Variants in CEP78 observed in about 807,000 individuals in gnomAD.
The protein encoded by CEP78 is centrosomal protein of 78 kDa.
CEP78 carries 76 observed loss-of-function variants against 81.2 expected under a neutral mutation model. The observed-to-expected ratio is 0.94, with a 90% CI of 0.78 to 1.13. CEP78 has a LOEUF of 1.13. Among genes scored for constraint, CEP78 ranks in the 50% most tolerant of loss-of-function variants. CEP78 has a pLI of 0.00. For missense variants in CEP78, 918 were observed against 846.8 expected (o/e 1.08, Z -1.04); for synonymous variants, 293 against 301.4 (o/e 0.97, Z 0.29).
rs1037060395 is a variant in CEP78, at chr9:78,277,087, G to A, written c.*6236G>A. 6.6e-6 allele frequency: 1 copy of A among 151,834 alleles called. No individual in the cohort carries two copies. The highest frequency in any genetic ancestry group is 1.5e-5 in the Non-Finnish European group (1 of 67,928). The allele number at this position is 151,834 out of a possible 1,614,324, so 9.4% of individuals were successfully genotyped here. A position where few individuals can be genotyped will look rare whatever the true frequency, so the allele number is the denominator to read the frequency against. The stretch of plus-strand genomic sequence containing the variant: ...AATGGCATCACAAGTCAGTAGAGAA[G>A]GGTTTGAACTATTCAGTAAATGATG... On this transcript the variant is annotated 3_prime_UTR_variant, in exon 17 of 17. Coordinates refer to ENST00000643273, the MANE Select transcript of CEP78 (RefSeq NM_001330691.3).
chr9:78,244,631 A>T (rs1314290205), intron 5 of CEP78, among the ~76,000 whole-genome samples: 1 of 152,126 alleles, frequency 6.6e-6, no homozygotes, highest in African/African-American at 2.4e-5. Context: ...TTTGATGCAA[A>T]TGGGATTGGT....
Position 78,236,155 on chromosome 9 carries a change from G to C in CEP78, c.-196G>C. On this transcript the variant is annotated 5_prime_UTR_variant, in exon 1 of 17. Transcript: ENST00000643273. ...GCAGGGCGGGAGGCAGCGCGGGAGT[G>C]GGGCGTTGAGGGGCCGGCCTAGCTT... is the stretch of plus-strand genomic sequence containing the variant. 1 of 566,648 alleles carries C rather than the reference G, an allele frequency of 1.8e-6. No individual in the cohort carries two copies. The highest frequency in any genetic ancestry group is 3.1e-6 in the Non-Finnish European group (1 of 326,950). The allele number at this position is 566,648 out of a possible 1,614,324, so 35.1% of individuals were successfully genotyped here.
chr9:78,266,750 C>G (rs772875398), intron 16 of CEP78, 47 bp downstream of exon 16: 6 of 1,604,234 alleles, frequency 3.7e-6, no homozygotes, highest in Non-Finnish European at 5.1e-6. Context: ...CTGGAAAGGA[C>G]CTGCATTCCT....
intron 15 of CEP78, 144 bp downstream of exon 15, chr9:78,266,050 A>C: frequency 1.7e-6 from 1 of 600,840 alleles, no homozygotes; most frequent in Non-Finnish European, 3.1e-6. Flanking sequence ...CTCTGGCCTT[A>C]CTTGGAGCCC....
chr9:78,239,965 T>C, intron 1 of CEP78, 58 bp from the exon 2 acceptor site: 1 of 1,399,832 alleles, frequency 7.1e-7, no homozygotes, highest in Non-Finnish European at 9.7e-7. Flanking sequence ...AGAGCAGATG[T>C]TTTTGAATGA....
intron 16 of CEP78, among the ~76,000 whole-genome samples, chr9:78,270,206 T>G (rs1827660230): frequency 1.3e-5 from 2 of 151,906 alleles, no homozygotes; most frequent in South Asian, 4.2e-4. Flanking sequence ...ACCCCAGTTT[T>G]CTTTAACCAT....
intron 1 of CEP78, among the ~76,000 whole-genome samples, chr9:78,237,335 A>G (rs1826005079): frequency 6.6e-6 from 1 of 152,138 alleles, no homozygotes; most frequent in African/African-American, 2.4e-5. Context: ...TTACAAATAC[A>G]AGCCATTTGT....
chr9:78,251,454 G>A (rs1197383588), intron 8 of CEP78, among the ~76,000 whole-genome samples: 2 of 152,122 alleles, frequency 1.3e-5, no homozygotes, highest in East Asian at 1.9e-4. Context: ...GTTCTGTTTG[G>A]TAGGAGTCAT....
At chr9:78,247,291 G>A (rs1352067329) in intron 6 of CEP78, among the ~76,000 whole-genome samples, 1 of 152,158 alleles carries the variant, frequency 6.6e-6, no homozygotes, top group Non-Finnish European at 1.5e-5. Flanking sequence ...ATATTAGATA[G>A]GTTTTTTAGG....
chr9:78,270,213 C>T (rs1827660361), intron 16 of CEP78, among the ~76,000 whole-genome samples: 1 of 150,600 alleles, frequency 6.6e-6, no homozygotes, highest in Non-Finnish European at 1.5e-5. Context: ...TTTTCTTTAA[C>T]CATGGATTTT....
chr9:78,251,386 G>T lies in CEP78; in HGVS notation c.1070-522G>T, dbSNP rs375466222. Among the ~76,000 whole-genome samples, 19 of 152,214 alleles carry T rather than the reference G, an allele frequency of 1.2e-4. No homozygotes were observed. The East Asian group carries it at 2.5e-3, about 20-fold the overall frequency. ...CCAGCTACCTTTAGTCTTACAACTTGAATACCTTTTACATGATAAAATTAA... is the reference window on the plus strand; with the variant it reads ...CCAGCTACCTTTAGTCTTACAACTTTAATACCTTTTACATGATAAAATTAA... On this transcript the variant is annotated intron_variant, in intron 8 of 16. Coordinates refer to ENST00000643273, the MANE Select transcript of CEP78 (RefSeq NM_001330691.3).
intron 9 of CEP78, among the ~76,000 whole-genome samples, 180 bp downstream of exon 9, chr9:78,252,223 C>G (rs1206645398): frequency 6.6e-6 from 1 of 152,098 alleles, no homozygotes; most frequent in Non-Finnish European, 1.5e-5. Flanking sequence ...AGTAGGGTTT[C>G]AAGTTATTAA....
Position 78,236,320 on chromosome 9 carries a change from G to C in CEP78, c.-31G>C. ...GGGTGGGCGCGGGCGGCGTCTCCGC[G>C]GCGGGCATCCCCCGAGGCCGCCCTC... On this transcript the variant is annotated 5_prime_UTR_variant, in exon 1 of 17. Coordinates refer to ENST00000643273, the MANE Select transcript of CEP78 (RefSeq NM_001330691.3). 1.3e-6 allele frequency: 2 copies of C among 1,538,156 alleles called. No homozygotes were observed. The highest frequency in any genetic ancestry group is 1.7e-6 in the Non-Finnish European group (2 of 1,147,146).
intron 1 of CEP78, among the ~76,000 whole-genome samples, chr9:78,238,097 C>T (rs1826046634): frequency 1.3e-5 from 2 of 150,970 alleles, no homozygotes; most frequent in South Asian, 4.2e-4. Flanking sequence ...TGCACTCCAG[C>T]CTGGGCAACA....
At chr9:78,236,958 T>G (rs115000513) in intron 1 of CEP78, among the ~76,000 whole-genome samples, 2,891 of 144,108 alleles carry the variant, frequency 0.02, 100 homozygotes, top group African/African-American at 0.069. Context: ...TTAATACATG[T>G]CAGCCTTTGT....
rs550411897 is a variant in CEP78, at chr9:78,259,966, G to A, written c.1381-2941G>A. ...CACACATAAATCTTATATTGGCAGGGATTTTCTTTATTCAGCAATTATTTA... is the reference window on the plus strand; with the variant it reads ...CACACATAAATCTTATATTGGCAGGAATTTTCTTTATTCAGCAATTATTTA... On this transcript the variant is annotated intron_variant, in intron 11 of 16. Transcript: ENST00000643273. Among the ~76,000 whole-genome samples, 11 of 152,304 alleles carry A rather than the reference G, an allele frequency of 7.2e-5. No homozygotes were observed. The South Asian group carries it at 2.3e-3, about 32-fold the overall frequency.
chr9:78,279,312 G>A lies in CEP78; in HGVS notation c.*8461G>A, dbSNP rs534616936. The A allele has an allele frequency of 2.6e-5, 4 of 152,288 alleles. No homozygotes were observed. In the East Asian group the frequency reaches 7.7e-4, roughly 29 times the overall value. The allele number at this position is 152,288 out of a possible 1,614,324, so 9.4% of individuals were successfully genotyped here. On this transcript the variant is annotated 3_prime_UTR_variant, in exon 17 of 17. Transcript: ENST00000643273. ...GCTTAAATGATAAAATTTGAGTAGA[G>A]TTTGAAAACACTAAAATCAGTTTGC...
chr9:78,240,567 A>G (rs1826179423), intron 3 of CEP78, among the ~76,000 whole-genome samples: 2 of 152,240 alleles, frequency 1.3e-5, no homozygotes, highest in African/African-American at 4.8e-5. Context: ...GTGTTAAACC[A>G]CAGACCACAC....
intron 11 of CEP78, among the ~76,000 whole-genome samples, chr9:78,262,597 A>G (rs967997353): frequency 6.6e-6 from 1 of 152,144 alleles, no homozygotes; most frequent in Non-Finnish European, 1.5e-5. Flanking sequence ...CACAAATAAG[A>G]ATAGAATTTC....
Sources: allele counts gnomAD v4.1 joint callset (sites outside exome capture counted in the v4.1 genomes callset), GRCh38; gene constraint gnomAD v4.1.1; transcripts MANE v1.5; gene names NCBI Gene and HGNC (gene_info 2026-07-23, HGNC 2026-07-21).